Variants in DLG3 observed in about 807,000 individuals in gnomAD.
DLG3 encodes disks large homolog 3.
DLG3 carries 1 observed loss-of-function variant against 64.1 expected under a neutral mutation model. The observed-to-expected ratio is 0.02, with a 90% confidence interval of 0.01 to 0.07. DLG3 has a LOEUF of 0.07. Ranked by LOEUF, DLG3 falls within the 10% of genes least tolerant of loss-of-function variation. DLG3 has a pLI of 1.00. For missense variants in DLG3, 429 were observed against 669.5 expected, an observed-to-expected ratio of 0.64 and a Z score of 3.96; for synonymous variants, 245 against 259.8, an observed-to-expected ratio of 0.94 and a Z score of 0.55.
chrX:70,500,563 G>A lies in DLG3; in HGVS notation c.2238G>A (p.Lys746=), dbSNP rs768648794. The change falls in exon 17 of 19, where the codon AAG becomes AAA. Residue 746 remains lysine, a synonymous_variant. Coordinates refer to ENST00000374360, the MANE Select transcript of DLG3 (RefSeq NM_021120.4). ...CCATTGCCATTTTCATCAAGCCCAA[G>A]TCCATTGAAGCCCTTATGTAAGTGT... ...LYPIAIFIKP[K]SIEALMEMNR... 7.5e-6 allele frequency: 9 copies of A among 1,200,361 alleles called. No individual in the cohort carries two copies. Among genetic ancestry groups the A allele is most frequent in the Middle Eastern group, 2.3e-4 (1 of 4,330 alleles).
rs370009132 is a variant in DLG3 at position 70,476,476 on chromosome X, C to T, written c.1406-2674C>T. On this transcript the variant is annotated intron_variant, in intron 9 of 18. Transcript: ENST00000374360. The stretch of plus-strand genomic sequence containing the variant: ...ATGCTTTTTAAGGGAAGCTTTTGTC[C>T]TGGGAAAATGATACCTCTAATATTT... 2.7e-5 allele frequency among the ~76,000 whole-genome samples: 3 copies of T among 111,549 alleles called. No individual in the cohort carries two copies. In the East Asian group the frequency reaches 8.5e-4, roughly 32 times the overall value.
chrX:70,462,398 C>A, intron 9 of DLG3, among the ~76,000 whole-genome samples: 2 of 107,893 alleles, frequency 1.9e-5, no homozygotes, highest in Middle Eastern at 9.4e-3. Flanking sequence ...TACAGATGTG[C>A]ACCACCATGC....
At chrX:70,502,093 GGCAGGATT>G in intron 18 of DLG3, 62 bp from the exon 19 acceptor site, 1 of 800,603 alleles carries the variant, frequency 1.2e-6, no homozygotes, top group Non-Finnish European at 1.9e-6. Flanking sequence ...TGTTGGGAGA[GGCAGGATT>G]GCTGGGTTTG....
rs752431046 is a variant in DLG3 at position 70,445,113 on chromosome X, C to CCGGCGGCGG, written c.-79_-71dup. 1.6e-5 allele frequency: 12 copies of CCGGCGGCGG among 751,358 alleles called. No homozygotes were observed. The highest frequency in any genetic ancestry group is 2.2e-5 in the Non-Finnish European group (12 of 538,968). 61.9% of individuals were successfully genotyped at this position (751,358 alleles called of 1,213,427 possible). ...GAGCAGTGTGAGTGTGCCAGGGAGC[C>CCGGCGGCGG]CGGCGGCGGCGGCGGCGGTGGTGGC... is the stretch of plus-strand genomic sequence containing the variant. On this transcript the variant is annotated 5_prime_UTR_variant, in exon 1 of 19. Coordinates refer to ENST00000374360, the MANE Select transcript of DLG3 (RefSeq NM_021120.4).
chrX:70,474,448 G>T (rs2087020380), intron 9 of DLG3, among the ~76,000 whole-genome samples: 1 of 110,799 alleles, frequency 9.0e-6, no homozygotes. Context: ...AGCAAAATTT[G>T]AGGAAACACT....
Position 70,445,539 on chromosome X carries a change from A to C in DLG3, c.338A>C (p.Asn113Thr). ...PSWWPECTCT[N>T]RDWYEQVNGS... is the part of the protein sequence containing the mutation. ...TGGTGGCCAGAGTGCACCTGTACCA[A>C]CCGGGACTGGTATGAGCAGGTATGG... The change falls in exon 1 of 19, where the codon AAC (asparagine) becomes ACC (threonine). Residue 113 changes from asparagine (N) to threonine (T), a missense_variant. Transcript: ENST00000374360. The C allele has an allele frequency of 1.7e-6, 2 of 1,181,869 alleles. No homozygotes were observed. The highest frequency in any genetic ancestry group is 2.3e-6 in the Non-Finnish European group (2 of 880,338).
intron 10 of DLG3, among the ~76,000 whole-genome samples, chrX:70,491,021 T>C (rs1430704417): frequency 9.0e-6 from 1 of 110,563 alleles, no homozygotes; most frequent in African/African-American, 3.3e-5. Context: ...CAAGTGATTC[T>C]CCTGCCTCAG....
At chrX:70,491,419 C>G (rs1602972562) in intron 10 of DLG3, among the ~76,000 whole-genome samples, 1 of 112,694 alleles carries the variant, frequency 8.9e-6, no homozygotes, top group African/African-American at 3.2e-5. Context: ...CCTTTTATTT[C>G]TTTACTCTGC....
At chrX:70,501,417 G>C (rs182320903) in intron 18 of DLG3, among the ~76,000 whole-genome samples, 852 of 84,063 alleles carry the variant, frequency 0.01, 7 homozygotes, top group Non-Finnish European at 0.018. Flanking sequence ...GTCTGTCTGT[G>C]TGTGTGTGTG....
chrX:70,459,578 CA>C (rs2086769171), intron 9 of DLG3, among the ~76,000 whole-genome samples: 1 of 112,386 alleles, frequency 8.9e-6, no homozygotes, highest in African/African-American at 3.2e-5. Context: ...GATTTCCTAT[CA>C]GCAGCATTTG....
rs1454809152 is a variant in DLG3, at chrX:70,455,323, T to C, written c.1405+1007T>C. Reference sequence around the variant, plus strand: ...CAGTCCCCCCTAACCTCTCTACGGCTCTGTTCTCAGCCTCTTTTCCAACAC... The same window carrying C: ...CAGTCCCCCCTAACCTCTCTACGGCCCTGTTCTCAGCCTCTTTTCCAACAC... On this transcript the variant is annotated intron_variant, in intron 9 of 18. Coordinates refer to ENST00000374360, the MANE Select transcript of DLG3 (RefSeq NM_021120.4). 4.0e-6 allele frequency: 3 copies of C among 752,084 alleles called. No individual in the cohort carries two copies. In the African/African-American group the frequency reaches 7.0e-5, roughly 17 times the overall value. The allele number at this position is 752,084 out of a possible 1,213,427, so 62.0% of individuals were successfully genotyped here.
intron 9 of DLG3, among the ~76,000 whole-genome samples, chrX:70,473,719 G>A (rs1478138248): frequency 9.1e-6 from 1 of 110,173 alleles, no homozygotes; most frequent in African/African-American, 3.3e-5. Context: ...TCAGCCTCTC[G>A]AGTAGCTAGG....
chrX:70,477,244 A>C (rs1300181517), intron 9 of DLG3, among the ~76,000 whole-genome samples: 1 of 112,834 alleles, frequency 8.9e-6, no homozygotes, highest in Admixed American at 9.3e-5. Flanking sequence ...ACATGGCTTA[A>C]AGATAGATTG....
chrX:70,479,475 G>A (rs940588613), intron 10 of DLG3, among the ~76,000 whole-genome samples: 2 of 112,120 alleles, frequency 1.8e-5, no homozygotes, highest in African/African-American at 6.5e-5. Context: ...GAATGACTCA[G>A]TATGGGAAAA....
chrX:70,493,475 C>T, intron 12 of DLG3: 5 of 1,195,364 alleles, frequency 4.2e-6, no homozygotes, highest in Non-Finnish European at 5.7e-6. Flanking sequence ...CATACAGGAA[C>T]GTAAGTAGCA....
chrX:70,494,419 T>A (rs141464562), intron 12 of DLG3, among the ~76,000 whole-genome samples: 139 of 112,127 alleles, frequency 1.2e-3, no homozygotes, highest in African/African-American at 4.2e-3. Context: ...TGACTGGTTC[T>A]GATAGGAAAT....
rs1448766974 is a variant in DLG3 at position 70,447,434 on chromosome X, T to C, written c.358-1479T>C. 2.8e-4 allele frequency among the ~76,000 whole-genome samples: 31 copies of C among 112,203 alleles called. No homozygotes were observed. In the Admixed American group the frequency reaches 2.9e-3, roughly 11 times the overall value. ...TTCTTCCTGGGGTCACAGACCAGGGTAAGGCTGTAGCTGGAGTCCTCCCAC... is the reference window on the plus strand; with the variant it reads ...TTCTTCCTGGGGTCACAGACCAGGGCAAGGCTGTAGCTGGAGTCCTCCCAC... On this transcript the variant is annotated intron_variant, in intron 1 of 18. Transcript: ENST00000374360.
chrX:70,489,789 C>G (rs958659619), intron 10 of DLG3, among the ~76,000 whole-genome samples: 15 of 112,116 alleles, frequency 1.3e-4, no homozygotes, highest in Admixed American at 5.7e-4. Flanking sequence ...GTGTTTTAAA[C>G]TTACAACCAG....
At chrX:70,452,073 G>A (rs2086624544) in intron 7 of DLG3, 47 bp downstream of exon 7, 1 of 1,191,651 alleles carries the variant, frequency 8.4e-7, no homozygotes, top group African/African-American at 1.8e-5. Flanking sequence ...CAGAAATTGG[G>A]GAGGGGAGGA....
Sources: allele counts gnomAD v4.1 joint callset (sites outside exome capture counted in the v4.1 genomes callset), GRCh38; gene constraint gnomAD v4.1.1; transcripts MANE v1.5; gene names NCBI Gene and HGNC (gene_info 2026-07-23, HGNC 2026-07-21).